Variants in PICALM observed in about 807,000 individuals in gnomAD.
The protein encoded by PICALM is phosphatidylinositol binding clathrin assembly protein.
Under a neutral mutation model 80.5 loss-of-function variants are expected in PICALM, and 40 were observed. The ratio of observed to expected loss-of-function variants is 0.50; its 90% CI spans 0.39 to 0.65. The LOEUF is 0.65. PICALM is among the 30% of genes least tolerant of loss of function. The pLI, the probability that PICALM is intolerant of heterozygous loss-of-function variation, is 0.00. For synonymous variants in PICALM, 288 were observed against 260.3 expected (o/e 1.11, Z -1.02); for missense variants, 676 against 778.9 (o/e 0.87, Z 1.57).
At chr11:86,066,451 C>T (rs796081096) in intron 1 of PICALM, among the ~76,000 whole-genome samples, 61 of 152,182 alleles carry the variant, frequency 4.0e-4, no homozygotes, top group African/African-American at 1.4e-3. Flanking sequence ...AGAAAAAGAA[C>T]GACAAATGCA....
At position 85,981,986 on chromosome 11, in the gene PICALM, C is replaced by A; in HGVS notation, c.1534G>T (p.Gly512Ter). The A allele has an allele frequency of 6.2e-7, 1 of 1,613,328 alleles. No individual in the cohort carries two copies. The highest frequency in any genetic ancestry group is 8.5e-7 in the Non-Finnish European group (1 of 1,179,304). ...VDSGGFDELGGLLKPTVASQN... is the reference protein window; with the variant it reads ...VDSGGFDELG ...GAGGCCACTGTTGGTTTGAGAAGTC[C>A]ACCTAGTTCATCAAAGCCTTAAAGT... Residue 512 changes from glycine to a stop codon, truncating the protein, a stop_gained, in exon 15 of 20, where the codon GGA becomes TGA. Coordinates refer to ENST00000393346, the MANE Select transcript of PICALM (RefSeq NM_007166.4). LOFTEE classifies it high-confidence loss of function.
chr11:86,011,855 T>TTG (rs1390454424), intron 6 of PICALM, among the ~76,000 whole-genome samples: 2 of 150,244 alleles, frequency 1.3e-5, no homozygotes, highest in Non-Finnish European at 3.0e-5. Context: ...CTTTTTGTTT[T>TTG]TTTTTTTTTT....
chr11:85,974,102 T>C (rs2094197263), intron 19 of PICALM, among the ~76,000 whole-genome samples: 1 of 152,128 alleles, frequency 6.6e-6, no homozygotes, highest in Admixed American at 6.5e-5. Flanking sequence ...AATGTATATT[T>C]ATGGTGTATT....
intron 12 of PICALM, 97 bp downstream of exon 12, chr11:85,996,729 T>C (rs767226013): frequency 5.5e-6 from 4 of 733,514 alleles, no homozygotes; most frequent in South Asian, 1.7e-5. Context: ...CAAGTTCTCA[T>C]GTATCAAGTG....
chr11:86,066,205 T>G (rs1017735392), intron 1 of PICALM, among the ~76,000 whole-genome samples: 2 of 152,206 alleles, frequency 1.3e-5, no homozygotes, highest in Non-Finnish European at 2.9e-5. Flanking sequence ...AAGGAAGGTA[T>G]TTGTTTAGTA....
intron 1 of PICALM, among the ~76,000 whole-genome samples, chr11:86,037,180 G>C (rs2095856677): frequency 6.7e-6 from 1 of 149,564 alleles, no homozygotes; most frequent in African/African-American, 2.5e-5. Context: ...TCTTGATCTC[G>C]TGATCTACCC....
intron 11 of PICALM, among the ~76,000 whole-genome samples, chr11:85,998,593 G>A (rs774916153): frequency 6.6e-6 from 1 of 151,902 alleles, no homozygotes; most frequent in Non-Finnish European, 1.5e-5. Flanking sequence ...AAAAGTTCAA[G>A]ATCAGCTTGG....
intron 19 of PICALM, among the ~76,000 whole-genome samples, chr11:85,961,271 T>C (rs2093679754): frequency 6.6e-6 from 1 of 152,222 alleles, no homozygotes; most frequent in Non-Finnish European, 1.5e-5. Flanking sequence ...AGTCCTGTCC[T>C]AGGTTCACAC....
chr11:86,022,153 ATT>A (rs970303528), intron 4 of PICALM, among the ~76,000 whole-genome samples: 3 of 152,316 alleles, frequency 2.0e-5, no homozygotes, highest in Admixed American at 6.5e-5. Flanking sequence ...AAAATGATAA[ATT>A]TTGTTATGTG....
intron 1 of PICALM, among the ~76,000 whole-genome samples, chr11:86,037,376 C>A (rs1208680329): frequency 6.6e-6 from 1 of 150,988 alleles, no homozygotes; most frequent in Non-Finnish European, 1.5e-5. Context: ...TCTCCTGCCT[C>A]AGCCTCCCAA....
intron 1 of PICALM, among the ~76,000 whole-genome samples, chr11:86,066,242 A>C (rs1458807799): frequency 6.6e-6 from 1 of 152,228 alleles, no homozygotes; most frequent in Non-Finnish European, 1.5e-5. Context: ...GACTTTACCT[A>C]AGATAAAGGT....
At chr11:85,991,336 T>C (rs2094770429) in intron 12 of PICALM, among the ~76,000 whole-genome samples, 1 of 152,196 alleles carries the variant, frequency 6.6e-6, no homozygotes, top group African/African-American at 2.4e-5. Flanking sequence ...TCTGTTCTAG[T>C]TTAGTTCTTG....
intron 19 of PICALM, among the ~76,000 whole-genome samples, chr11:85,963,920 C>CTT (rs10686143): frequency 0.2 from 14,239 of 72,528 alleles, 1,444 homozygotes; most frequent in Middle Eastern, 0.27. Context: ...CCACACCTGG[C>CTT]TTTTTTTTTT....
chr11:86,008,041 C>G (rs1006881178), intron 7 of PICALM, among the ~76,000 whole-genome samples: 1 of 152,070 alleles, frequency 6.6e-6, no homozygotes. Context: ...GAAATCACCA[C>G]AGATAACACT....
chr11:85,971,991 C>A (rs147998875), intron 19 of PICALM, among the ~76,000 whole-genome samples: 164 of 152,152 alleles, frequency 1.1e-3, no homozygotes, highest in African/African-American at 2.9e-3. Context: ...CCATGTTGGC[C>A]AGGCTGGTCT....
Position 86,069,021 on chromosome 11 carries a change from A to C in PICALM, c.-241T>G. 3 of 500,446 alleles carry C rather than the reference A, an allele frequency of 6.0e-6. No individual in the cohort carries two copies. The highest frequency in any genetic ancestry group is 5.2e-5 in the South Asian group (2 of 38,234). The allele number at this position is 500,446 out of a possible 1,614,324, so 31.0% of individuals were successfully genotyped here. A position where few individuals can be genotyped will look rare whatever the true frequency, so the allele number is the denominator to read the frequency against. ...CCTTGCCCCCGCCTCAGTTCAGCCC[A>C]CCCCTTCCCGGGTCAGCTGGAGCCG... On this transcript the variant is annotated 5_prime_UTR_variant, in exon 1 of 20. Coordinates refer to ENST00000393346, the MANE Select transcript of PICALM (RefSeq NM_007166.4).
intron 1 of PICALM, among the ~76,000 whole-genome samples, chr11:86,044,491 G>A (rs770301752): frequency 6.6e-6 from 1 of 152,128 alleles, no homozygotes; most frequent in African/African-American, 2.4e-5. Flanking sequence ...AGTACCAGAC[G>A]GTGGAAATCT....
At chr11:85,990,224 G>GA (rs760770227) in intron 13 of PICALM, 26 bp downstream of exon 13, 17 of 1,466,010 alleles carry the variant, frequency 1.2e-5, no homozygotes, top group South Asian at 2.5e-5. Context: ...ACATTGATTG[G>GA]AAAAAAAGGT....
At chr11:86,025,997 C>G (rs2095644016) in intron 3 of PICALM, among the ~76,000 whole-genome samples, 1 of 152,106 alleles carries the variant, frequency 6.6e-6, no homozygotes, top group Admixed American at 6.6e-5. Flanking sequence ...AAGTAACCTG[C>G]CCAAGTTCAT....
Sources: gnomAD v4.1 joint callset for allele counts (sites outside exome capture counted in the v4.1 genomes callset) on GRCh38, gnomAD v4.1.1 for gene constraint, MANE v1.5 for transcripts, NCBI Gene and HGNC (gene_info 2026-07-23, HGNC 2026-07-21) for gene names.